LIMS1: variants seen among roughly 807,000 people sequenced by gnomAD.
The protein encoded by LIMS1 is LIM and senescent cell antigen-like-containing domain protein 1.
A neutral mutation model predicts 44.1 loss-of-function variants in LIMS1; 18 were observed. The ratio of observed to expected loss-of-function variants is 0.41; its 90% confidence interval spans 0.28 to 0.61. The LOEUF (loss-of-function observed/expected upper bound fraction) is 0.61, where lower values mean the gene tolerates loss of function less well. LIMS1 is among the 20% of genes least tolerant of loss of function. The pLI, the probability that LIMS1 is intolerant of heterozygous loss-of-function variation, is 0.32. For synonymous variants in LIMS1, 93 were observed against 149.1 expected (o/e 0.62, Z 2.74); for missense variants, 201 against 422.0 (o/e 0.48, Z 4.59).
chr2:108,553,608 G>A (rs1377697654), intron 1 of LIMS1, among the ~76,000 whole-genome samples: 2 of 152,122 alleles, frequency 1.3e-5, no homozygotes, highest in Non-Finnish European at 2.9e-5. Flanking sequence ...TTGCTTGGAA[G>A]GTAAATCCCT....
chr2:108,602,144 G>A (rs1687050366), intron 1 of LIMS1, among the ~76,000 whole-genome samples: 2 of 152,130 alleles, frequency 1.3e-5, no homozygotes, highest in South Asian at 4.1e-4. Context: ...ACTTTTGTAT[G>A]TTGATTTTGT....
chr2:108,534,323 C>T (rs1296536353), upstream of LIMS1: 2 of 215,266 alleles, frequency 9.3e-6, no homozygotes, highest in Non-Finnish European at 9.1e-6. Flanking sequence ...CCCTTCGGCG[C>T]CCGCCCCGCC....
At chr2:108,592,014 C>A (rs568585304) in intron 1 of LIMS1, among the ~76,000 whole-genome samples, 3 of 151,942 alleles carry the variant, frequency 2.0e-5, no homozygotes, top group Non-Finnish European at 4.4e-5. Context: ...AGGCTGGTCT[C>A]GAACTCCTGA....
upstream of LIMS1, chr2:108,533,999 C>G (rs1347840276): frequency 2.6e-5 from 4 of 153,156 alleles, no homozygotes; most frequent in Non-Finnish European, 5.8e-5. Flanking sequence ...ACCCCCGGGA[C>G]GAAGGCCGCT....
At chr2:108,625,844 G>A (rs1217273642) in intron 1 of LIMS1, among the ~76,000 whole-genome samples, 1 of 152,172 alleles carries the variant, frequency 6.6e-6, no homozygotes, top group Non-Finnish European at 1.5e-5. Flanking sequence ...TATAGATATA[G>A]CATATAAAAT....
At chr2:108,578,678 C>T (rs1196446977) in intron 1 of LIMS1, among the ~76,000 whole-genome samples, 1 of 147,486 alleles carries the variant, frequency 6.8e-6, no homozygotes, top group Non-Finnish European at 1.5e-5. Context: ...ACTGCAAGCT[C>T]CACCTCCCAG....
At chr2:108,623,886 G>A (rs1035863382) in intron 1 of LIMS1, among the ~76,000 whole-genome samples, 2 of 152,210 alleles carry the variant, frequency 1.3e-5, no homozygotes, top group Non-Finnish European at 2.9e-5. Flanking sequence ...AAAAGGCTGT[G>A]CTCTGAAACA....
chr2:108,535,941 A>G (rs966797642), intron 1 of LIMS1, among the ~76,000 whole-genome samples: 1 of 152,330 alleles, frequency 6.6e-6, no homozygotes, highest in South Asian at 2.1e-4. Context: ...CCATTTGGTC[A>G]CAAGTAACAA....
At chr2:108,564,691 G>A (rs147835830) in intron 1 of LIMS1, among the ~76,000 whole-genome samples, 147 of 152,166 alleles carry the variant, frequency 9.7e-4, no homozygotes, top group African/African-American at 3.3e-3. Context: ...TGCTTGGCAC[G>A]TCATACGATT....
chr2:108,644,593 C>A (rs559867172), intron 1 of LIMS1, among the ~76,000 whole-genome samples: 1 of 152,064 alleles, frequency 6.6e-6, no homozygotes, highest in Non-Finnish European at 1.5e-5. Flanking sequence ...CTCTTCTCCT[C>A]CAAAGGATCA....
intron 1 of LIMS1, among the ~76,000 whole-genome samples, chr2:108,644,724 C>T (rs778360039): frequency 3.4e-4 from 52 of 151,920 alleles, no homozygotes; most frequent in South Asian, 1.9e-3. Flanking sequence ...CATGTGCTAA[C>T]CCAATGCAAG....
At chr2:108,546,461 G>A (rs1016105524) in intron 1 of LIMS1, among the ~76,000 whole-genome samples, 3 of 151,682 alleles carry the variant, frequency 2.0e-5, no homozygotes, top group Admixed American at 6.6e-5. Flanking sequence ...CTCCTACTCT[G>A]TAAGTGCATG....
chr2:108,628,181 T>G (rs1421670910), intron 1 of LIMS1, among the ~76,000 whole-genome samples: 1 of 152,260 alleles, frequency 6.6e-6, no homozygotes, highest in African/African-American at 2.4e-5. Context: ...CTCTGGTCAC[T>G]TTCCCTTGAC....
rs559400327 is a variant in LIMS1, at chr2:108,583,641, A to G, written c.32+49047A>G. On this transcript the variant is annotated intron_variant, in intron 1 of 9. Transcript: ENST00000544547. ...GAACAAATTTTTTAAATAAAGATCT[A>G]TGTCCATTCAGAATAGTCTGTGGAA... Among the ~76,000 whole-genome samples the G allele has an allele frequency of 2.7e-5, 4 of 150,792 alleles. 1 individual carries two copies. In the East Asian group the frequency reaches 7.9e-4, roughly 30 times the overall value.
rs925406486 is a variant in LIMS1, at chr2:108,667,150, A to G, written c.193-3631A>G. Among the ~76,000 whole-genome samples, 74 of 151,990 alleles carry G rather than the reference A, an allele frequency of 4.9e-4. 1 individual carries two copies. Among genetic ancestry groups the G allele is most frequent in the Non-Finnish European group, 1.0e-4 (7 of 67,990 alleles). ...TTTCTGGTAACCAGTCCCATCCTAA[A>G]TCTACCTAGGGGCTGCCAGTCAGGA... On this transcript the variant is annotated intron_variant, in intron 2 of 9. Transcript: ENST00000544547.
chr2:108,642,750 A>T (rs1689789287), intron 1 of LIMS1, among the ~76,000 whole-genome samples: 1 of 152,224 alleles, frequency 6.6e-6, no homozygotes, highest in Non-Finnish European at 1.5e-5. Context: ...GAGCTGCTGA[A>T]AATAGCTATA....
intron 1 of LIMS1, among the ~76,000 whole-genome samples, chr2:108,642,335 G>GGTTTTTTT: frequency 2.9e-5 from 1 of 34,154 alleles, no homozygotes; most frequent in African/African-American, 9.7e-5. Flanking sequence ...AGCTACTAGT[G>GGTTTTTTT]TTTTTTGTTT....
intron 1 of LIMS1, among the ~76,000 whole-genome samples, chr2:108,600,895 TC>T (rs879826025): frequency 0.39 from 56,136 of 143,638 alleles, 12,095 homozygotes; most frequent in East Asian, 0.89. Context: ...TGTTCGTTCT[TC>T]TCTTCTCTTC....
intron 1 of LIMS1, among the ~76,000 whole-genome samples, chr2:108,603,099 T>C (rs1284513508): frequency 1.3e-5 from 2 of 152,316 alleles, no homozygotes; most frequent in East Asian, 3.9e-4. Context: ...TTTTCTTTTT[T>C]TCGATGTGTC....
Sources: gnomAD v4.1 joint callset for allele counts (sites outside exome capture counted in the v4.1 genomes callset) on GRCh38, gnomAD v4.1.1 for gene constraint, MANE v1.5 for transcripts, NCBI Gene and HGNC (gene_info 2026-07-23, HGNC 2026-07-21) for gene names.